RPS6KC1: variants seen among roughly 807,000 people sequenced by gnomAD.
RPS6KC1 encodes ribosomal protein S6 kinase C1.
RPS6KC1 carries 54 observed loss-of-function variants against 103.8 expected under a neutral mutation model. The observed-to-expected ratio is 0.52, with a 90% confidence interval of 0.42 to 0.65. RPS6KC1 has a LOEUF of 0.65. RPS6KC1 is among the 30% of genes least tolerant of loss of function. The pLI, the probability that RPS6KC1 is intolerant of heterozygous loss-of-function variation, is 0.00. For synonymous variants in RPS6KC1, 439 were observed against 438.7 expected (o/e 1.00, Z -0.01); for missense variants, 1,151 against 1,253.8 (o/e 0.92, Z 1.24).
the RPS6KC1 span, among the ~76,000 whole-genome samples, chr1:213,722,945 G>A: frequency 2.0e-5 from 3 of 152,188 alleles, no homozygotes; most frequent in African/African-American, 4.8e-5. Flanking sequence ...TTGGGAGGCC[G>A]AGGTTGGTGG....
At chr1:213,084,704 T>TG (rs1422202047) in intron 3 of RPS6KC1, among the ~76,000 whole-genome samples, 1 of 152,238 alleles carries the variant, frequency 6.6e-6, no homozygotes, top group Non-Finnish European at 1.5e-5. Context: ...ACTGGAATGT[T>TG]AATATAGCCG....
the RPS6KC1 span, among the ~76,000 whole-genome samples, chr1:213,324,927 G>T: frequency 1.3e-5 from 2 of 152,016 alleles, no homozygotes; most frequent in African/African-American, 4.8e-5. Flanking sequence ...GCTGCCGTGG[G>T]GTGGGGGCTC....
intron 6 of RPS6KC1, among the ~76,000 whole-genome samples, chr1:213,167,439 A>AACACACACACACACACACACACAC (rs199762137): frequency 1.3e-5 from 1 of 75,946 alleles, no homozygotes; most frequent in Non-Finnish European, 2.4e-5. Context: ...CAAGGTTGAA[A>AACACACACACACACACACACACAC]ACACACACAC....
chr1:213,053,219 A>G (rs185665713), intron 1 of RPS6KC1, among the ~76,000 whole-genome samples: 18 of 152,328 alleles, frequency 1.2e-4, no homozygotes, highest in Non-Finnish European at 2.1e-4. Flanking sequence ...AACATACGTA[A>G]TGTTTCTCTC....
At chr1:213,599,746 G>A in the RPS6KC1 span, among the ~76,000 whole-genome samples, 2 of 152,206 alleles carry the variant, frequency 1.3e-5, no homozygotes, top group African/African-American at 4.8e-5. Flanking sequence ...GATTCGAAGG[G>A]CATGGTGAAG....
intron 1 of RPS6KC1, among the ~76,000 whole-genome samples, chr1:213,053,228 T>C (rs562585020): frequency 6.6e-6 from 1 of 152,380 alleles, no homozygotes; most frequent in South Asian, 2.1e-4. Context: ...AATGTTTCTC[T>C]CACAGCATCC....
the RPS6KC1 span, among the ~76,000 whole-genome samples, chr1:213,602,238 T>TTC: frequency 6.9e-5 from 8 of 115,768 alleles, no homozygotes; most frequent in African/African-American, 1.6e-4. Flanking sequence ...CCTTCCTTCC[T>TTC]CTCTTTCTCT....
At chr1:213,840,411 G>A in the RPS6KC1 span, 2 of 152,064 alleles carry the variant, frequency 1.3e-5, no homozygotes, top group South Asian at 2.1e-4. Flanking sequence ...TCTTTACTCT[G>A]AGTTTATATT....
At chr1:213,151,950 G>T (rs1488118275) in intron 6 of RPS6KC1, among the ~76,000 whole-genome samples, 1 of 119,662 alleles carries the variant, frequency 8.4e-6, no homozygotes, top group African/African-American at 3.3e-5. Context: ...CCTCCCTCCC[G>T]GATGGGGCGG....
chr1:213,273,010 G>T lies in RPS6KC1; in HGVS notation c.*376G>T. ...GGACCTTTACATGGCAGCTAACAGT[G>T]CTTTTTGCTGACCAGGATTGGTTTA... On this transcript the variant is annotated 3_prime_UTR_variant, in exon 15 of 15. Coordinates refer to ENST00000366960, the MANE Select transcript of RPS6KC1 (RefSeq NM_012424.6). 6.0e-6 allele frequency: 1 copy of T among 165,318 alleles called. No individual in the cohort carries two copies. The highest frequency in any genetic ancestry group is 1.6e-4 in the East Asian group (1 of 6,316). The allele number at this position is 165,318 out of a possible 1,614,324, so 10.2% of individuals were successfully genotyped here.
chr1:213,285,222 G>C, the RPS6KC1 span, among the ~76,000 whole-genome samples: 1 of 152,188 alleles, frequency 6.6e-6, no homozygotes, highest in African/African-American at 2.4e-5. Context: ...GGAGAGCAGA[G>C]AGAGGAAGCA....
chr1:213,695,971 T>G, the RPS6KC1 span, among the ~76,000 whole-genome samples: 1 of 152,328 alleles, frequency 6.6e-6, no homozygotes, highest in East Asian at 1.9e-4. Context: ...AATCCTTACT[T>G]TAGCCTTAAA....
chr1:213,407,214 G>GTGCACACACACACA, the RPS6KC1 span, among the ~76,000 whole-genome samples: 1 of 18,392 alleles, frequency 5.4e-5, no homozygotes, highest in South Asian at 1.5e-3. Flanking sequence ...TTACATGCAC[G>GTGCACACACACACA]CGCGCACACA....
rs1175168109 is a variant in RPS6KC1 at position 213,242,113 on chromosome 1, C to T, written c.2637C>T (p.Asp879=). Residue 879 remains aspartate, a synonymous_variant, in exon 11 of 15, where the codon GAC becomes GAT. Coordinates refer to ENST00000366960, the MANE Select transcript of RPS6KC1 (RefSeq NM_012424.6). ...AAAGTGGTTTAGTGCTAGAAGGAGA[C>T]AAGGAAATACATCAGATTTTTGAGG... is the stretch of plus-strand genomic sequence containing the variant. ...KGESGLVLEG[D]KEIHQIFEDL... 6.2e-7 allele frequency: 1 copy of T among 1,613,616 alleles called. No homozygotes were observed. The highest frequency in any genetic ancestry group is 1.3e-5 in the African/African-American group (1 of 74,868).
chr1:213,517,314 T>C, the RPS6KC1 span, among the ~76,000 whole-genome samples: 1 of 152,196 alleles, frequency 6.6e-6, no homozygotes, highest in Non-Finnish European at 1.5e-5. Context: ...CTTTTAATTG[T>C]GATGTTAGGG....
At chr1:213,782,671 A>G in the RPS6KC1 span, among the ~76,000 whole-genome samples, 1 of 152,290 alleles carries the variant, frequency 6.6e-6, no homozygotes, top group Admixed American at 6.5e-5. Flanking sequence ...AGGAGGAGAA[A>G]GAGAAACAGA....
chr1:213,323,581 T>C, the RPS6KC1 span, among the ~76,000 whole-genome samples: 1 of 152,220 alleles, frequency 6.6e-6, no homozygotes, highest in Non-Finnish European at 1.5e-5. Context: ...TGAGGAACCA[T>C]AGACAGTTGG....
chr1:213,160,244 A>C (rs2148064775), intron 6 of RPS6KC1, among the ~76,000 whole-genome samples: 1 of 152,354 alleles, frequency 6.6e-6, no homozygotes, highest in African/African-American at 2.4e-5. Context: ...TACCTTTACA[A>C]AATATTACGG....
chr1:213,660,242 C>A, the RPS6KC1 span, among the ~76,000 whole-genome samples: 14 of 152,234 alleles, frequency 9.2e-5, no homozygotes, highest in East Asian at 2.7e-3. Context: ...GGAGGAGGAA[C>A]GGGAAGGGAC....
Sources: allele counts gnomAD v4.1 joint callset (sites outside exome capture counted in the v4.1 genomes callset), GRCh38; gene constraint gnomAD v4.1.1; transcripts MANE v1.5; gene names NCBI Gene and HGNC (gene_info 2026-07-23, HGNC 2026-07-21).